Variants in SPIDR observed in about 807,000 individuals in gnomAD.
SPIDR encodes the protein scaffold protein involved in DNA repair, also known as DNA repair-scaffolding protein.
SPIDR carries 93 observed loss-of-function variants against 104.6 expected under a neutral mutation model. The ratio of observed to expected loss-of-function variants is 0.89; its 90% CI spans 0.75 to 1.06. SPIDR has a LOEUF of 1.06. SPIDR is among the 50% of genes least tolerant of loss of function. The pLI is 0.00. For synonymous variants in SPIDR, 431 were observed against 416.9 expected (o/e 1.03, Z -0.41); for missense variants, 1,154 against 1,111.2 (o/e 1.04, Z -0.55).
intron 10 of SPIDR, among the ~76,000 whole-genome samples, chr8:47,605,592 AT>A (rs1163537607): frequency 6.6e-6 from 1 of 151,936 alleles, no homozygotes; most frequent in African/African-American, 2.4e-5. Context: ...AGAACAAAAA[AT>A]CTGGAATCAG....
intron 3 of SPIDR, among the ~76,000 whole-genome samples, chr8:47,286,884 A>G (rs1467608099): frequency 4.6e-5 from 7 of 152,106 alleles, no homozygotes; most frequent in African/African-American, 1.7e-4. Flanking sequence ...TTGTTCTTTC[A>G]TGTTCTTTTG....
chr8:47,682,478 G>A (rs1422037874), intron 11 of SPIDR, among the ~76,000 whole-genome samples: 1 of 152,136 alleles, frequency 6.6e-6, no homozygotes, highest in Admixed American at 6.5e-5. Flanking sequence ...CATTCTGAAT[G>A]TACTAAATAC....
At chr8:47,437,085 T>A (rs1056413378) in intron 7 of SPIDR, among the ~76,000 whole-genome samples, 1 of 152,220 alleles carries the variant, frequency 6.6e-6, no homozygotes, top group African/African-American at 2.4e-5. Context: ...ACTGTCAAGA[T>A]TTATCATAGA....
chr8:47,338,882 T>C (rs1207479916), intron 5 of SPIDR, among the ~76,000 whole-genome samples: 1 of 151,722 alleles, frequency 6.6e-6, no homozygotes, highest in Non-Finnish European at 1.5e-5. Flanking sequence ...TGTGGGGGGG[T>C]CAGCCTTGAC....
chr8:47,653,728 C>CT (rs1368554935), intron 10 of SPIDR, among the ~76,000 whole-genome samples: 2 of 152,130 alleles, frequency 1.3e-5, no homozygotes, highest in African/African-American at 2.4e-5. Flanking sequence ...GCATAAGTCT[C>CT]TGAGCTAAGG....
At chr8:47,345,799 T>C (rs2051852445) in intron 5 of SPIDR, among the ~76,000 whole-genome samples, 1 of 152,212 alleles carries the variant, frequency 6.6e-6, no homozygotes, top group South Asian at 2.1e-4. Context: ...CTTGTGATTT[T>C]TGCACATTGA....
intron 11 of SPIDR, among the ~76,000 whole-genome samples, chr8:47,687,518 T>C (rs1037961223): frequency 2.0e-5 from 3 of 152,230 alleles, no homozygotes. Context: ...CTCCTGTATG[T>C]ATTGAGCTTA....
chr8:47,484,598 A>AT (rs1466320813), intron 8 of SPIDR, among the ~76,000 whole-genome samples: 8 of 152,176 alleles, frequency 5.3e-5, no homozygotes, highest in Non-Finnish European at 1.0e-4. Context: ...AGATGGGTGT[A>AT]TTTGGGGGAG....
intron 8 of SPIDR, among the ~76,000 whole-genome samples, chr8:47,562,446 C>T (rs1006710556): frequency 4.6e-5 from 7 of 152,148 alleles, no homozygotes; most frequent in African/African-American, 1.7e-4. Flanking sequence ...GTCTGAAGGG[C>T]TTGCCTGGTC....
At chr8:47,421,509 G>A (rs985646331) in intron 7 of SPIDR, among the ~76,000 whole-genome samples, 6 of 152,072 alleles carry the variant, frequency 3.9e-5, no homozygotes, top group Non-Finnish European at 8.8e-5. Context: ...TTAGCCATTC[G>A]TCTAATCTTT....
Position 47,673,795 on chromosome 8 carries a change from T to G in SPIDR, c.1545-6T>G. On this transcript the variant is annotated splice_polypyrimidine_tract_variant and splice_region_variant and intron_variant, in intron 10 of 19. Coordinates refer to ENST00000297423, the MANE Select transcript of SPIDR (RefSeq NM_001080394.4). ...CTCAAAGACAAATGTGAATGGTTTT[T>G]TACAGAGCCTGCCTTCTGGTACAAG... 6.2e-7 allele frequency: 1 copy of G among 1,614,156 alleles called. No homozygotes were observed. Among genetic ancestry groups the G allele is most frequent in the Non-Finnish European group, 8.5e-7 (1 of 1,180,014 alleles).
chr8:47,385,165 C>T (rs1433806183), intron 5 of SPIDR, among the ~76,000 whole-genome samples: 13 of 152,180 alleles, frequency 8.5e-5, no homozygotes, highest in African/African-American at 3.1e-4. Context: ...CAGAATTAAT[C>T]ATTGTTGTTT....
chr8:47,689,075 G>C (rs918163688), intron 11 of SPIDR, among the ~76,000 whole-genome samples: 1 of 152,172 alleles, frequency 6.6e-6, no homozygotes, highest in Non-Finnish European at 1.5e-5. Context: ...GTCCTTCATT[G>C]GTTGTGTATA....
chr8:47,347,340 A>G (rs2052339398), intron 5 of SPIDR, among the ~76,000 whole-genome samples: 1 of 152,100 alleles, frequency 6.6e-6, no homozygotes, highest in Non-Finnish European at 1.5e-5. Context: ...GTTCTTTTAC[A>G]TTTGCTGCGG....
intron 5 of SPIDR, among the ~76,000 whole-genome samples, chr8:47,304,946 C>G (rs1278979152): frequency 6.6e-6 from 1 of 152,198 alleles, no homozygotes; most frequent in East Asian, 1.9e-4. Context: ...TTTTCTGTCC[C>G]TTGCTCTCAC....
At chr8:47,305,198 T>C (rs1270695035) in intron 5 of SPIDR, among the ~76,000 whole-genome samples, 1 of 152,168 alleles carries the variant, frequency 6.6e-6, no homozygotes, top group African/African-American at 2.4e-5. Context: ...TTTCAGGAAG[T>C]GTGAAGGAAA....
chr8:47,536,089 A>AATATAT (rs147707352), intron 8 of SPIDR, among the ~76,000 whole-genome samples: 5 of 149,676 alleles, frequency 3.3e-5, no homozygotes, highest in Non-Finnish European at 7.4e-5. Flanking sequence ...ATAATCTAAA[A>AATATAT]ATATATATAT....
At chr8:47,504,823 A>G (rs1586823026) in intron 8 of SPIDR, among the ~76,000 whole-genome samples, 2 of 152,090 alleles carry the variant, frequency 1.3e-5, no homozygotes, top group African/African-American at 4.8e-5. Context: ...TGGAGTGGAT[A>G]TCCTTTCTGT....
rs551614918 is a variant in SPIDR at position 47,432,780 on chromosome 8, A to C, written c.878-7543A>C. On this transcript the variant is annotated intron_variant, in intron 7 of 19. Coordinates refer to ENST00000297423, the MANE Select transcript of SPIDR (RefSeq NM_001080394.4). Reference sequence around the variant, plus strand: ...GGGATTTGAGGCTAGAGCAGTAAGAAGTAACAGGTAACAAAGGACTTTCCA... The same window carrying C: ...GGGATTTGAGGCTAGAGCAGTAAGACGTAACAGGTAACAAAGGACTTTCCA... 3.9e-5 allele frequency among the ~76,000 whole-genome samples: 6 copies of C among 152,328 alleles called. No homozygotes were observed. In the East Asian group the frequency reaches 1.2e-3, roughly 29 times the overall value.
Sources: gnomAD v4.1 joint callset for allele counts (sites outside exome capture counted in the v4.1 genomes callset) on GRCh38, gnomAD v4.1.1 for gene constraint, MANE v1.5 for transcripts, NCBI Gene and HGNC (gene_info 2026-07-23, HGNC 2026-07-21) for gene names.